The following GRM8 variants were observed in gnomAD, a reference collection of about 807,000 sequenced individuals.
The protein encoded by GRM8 is glutamate metabotropic receptor 8, also known as metabotropic glutamate receptor 8.
A neutral mutation model predicts 87.2 loss-of-function variants in GRM8; 47 were observed. The ratio of observed to expected loss-of-function variants is 0.54; its 90% confidence interval spans 0.43 to 0.69. The LOEUF is 0.69. GRM8 is among the 30% of genes least tolerant of loss of function. GRM8 has a pLI of 0.00. For synonymous variants in GRM8, 396 were observed against 404.5 expected, an observed-to-expected ratio of 0.98 and a Z score of 0.25; for missense variants, 1,019 against 1,139.2, an observed-to-expected ratio of 0.89 and a Z score of 1.52.
At chr7:126,914,105 G>C (rs2896385) in intron 3 of GRM8, among the ~76,000 whole-genome samples, 1 of 152,112 alleles carries the variant, frequency 6.6e-6, no homozygotes, top group African/African-American at 2.4e-5. Context: ...CTGTGAAACG[G>C]GACTGCAACA....
At position 126,896,958 on chromosome 7, in the gene GRM8, C is replaced by T. The variant is rs368646678; in HGVS notation, c.1156+5584G>A. 4.0e-4 allele frequency among the ~76,000 whole-genome samples: 61 copies of T among 152,242 alleles called. 1 individual carries two copies. The South Asian group carries it at 0.012, about 31-fold the overall frequency. Reference sequence around the variant, plus strand: ...AGAGCAAGGGAGGTCTGTTGTTTGTCTCTCTATCTGAAGCACAGTGCCTGG... The same window carrying T: ...AGAGCAAGGGAGGTCTGTTGTTTGTTTCTCTATCTGAAGCACAGTGCCTGG... On this transcript the variant is annotated intron_variant, in intron 6 of 10. Coordinates refer to ENST00000339582, the MANE Select transcript of GRM8 (RefSeq NM_000845.3).
intron 2 of GRM8, among the ~76,000 whole-genome samples, chr7:127,126,018 C>G (rs1358765348): frequency 6.6e-6 from 1 of 151,856 alleles, no homozygotes; most frequent in Non-Finnish European, 1.5e-5. Flanking sequence ...ATGCTTTATA[C>G]TGTTGGTAGA....
intron 9 of GRM8, among the ~76,000 whole-genome samples, chr7:126,492,832 A>C (rs1231551793): frequency 1.3e-5 from 2 of 152,046 alleles, no homozygotes; most frequent in African/African-American, 4.8e-5. Flanking sequence ...GGTGATAGAC[A>C]ATCAAAATGG....
intron 2 of GRM8, among the ~76,000 whole-genome samples, chr7:127,183,762 C>T (rs917561890): frequency 6.6e-6 from 1 of 151,570 alleles, no homozygotes; most frequent in African/African-American, 2.4e-5. Context: ...TTGAAAAGCT[C>T]AATAAAATTT....
intron 3 of GRM8, among the ~76,000 whole-genome samples, chr7:126,951,426 C>T (rs1808144342): frequency 6.6e-6 from 1 of 151,888 alleles, no homozygotes; most frequent in Admixed American, 6.6e-5. Flanking sequence ...TTTCACATGC[C>T]CCTAAGCAAT....
At position 126,712,060 on chromosome 7, in the gene GRM8, T is replaced by G. The variant is rs145944584; in HGVS notation, c.1357+57805A>C. ...CCTTTGCTTTCACAAGTTGGCTAGC[T>G]GGCACAAGAGGCTTAGCTTTCGCCC... On this transcript the variant is annotated intron_variant, in intron 7 of 10. Coordinates refer to ENST00000339582, the MANE Select transcript of GRM8 (RefSeq NM_000845.3). Among the ~76,000 whole-genome samples the G allele has an allele frequency of 1.1e-3, 167 of 152,366 alleles. 1 individual carries two copies. In the East Asian group the frequency reaches 0.015, roughly 14 times the overall value.
At chr7:126,550,235 C>G (rs987838240) in intron 8 of GRM8, among the ~76,000 whole-genome samples, 1 of 151,892 alleles carries the variant, frequency 6.6e-6, no homozygotes, top group Admixed American at 6.6e-5. Flanking sequence ...CTGCCTCAGT[C>G]CCCCGAGCAA....
chr7:127,243,180 C>T lies in GRM8; in HGVS notation c.25G>A (p.Ala9Thr). ...AAGAGGAAGAAACAAGGGCAAGAGGCTGATCGCTTTCCCTCGCATACCATT... is the reference window on the plus strand; with the variant it reads ...AAGAGGAAGAAACAAGGGCAAGAGGTTGATCGCTTTCCCTCGCATACCATT... MVCEGKRS[A>T]SCPCFFLLTA... Residue 9 changes from alanine to threonine, a missense_variant, in exon 2 of 11, where the codon GCC becomes ACC. Coordinates refer to ENST00000339582, the MANE Select transcript of GRM8 (RefSeq NM_000845.3). 6.2e-7 allele frequency: 1 copy of T among 1,610,552 alleles called. No individual in the cohort carries two copies. The highest frequency in any genetic ancestry group is 1.1e-5 in the South Asian group (1 of 90,996).
chr7:126,552,858 A>C (rs1383321086), intron 8 of GRM8, among the ~76,000 whole-genome samples: 1 of 152,174 alleles, frequency 6.6e-6, no homozygotes, highest in Non-Finnish European at 1.5e-5. Context: ...TTAAATAAAC[A>C]TTAGGTTTTC....
chr7:126,908,821 A>G (rs1216273191), intron 3 of GRM8, among the ~76,000 whole-genome samples: 2 of 152,232 alleles, frequency 1.3e-5, no homozygotes, highest in Non-Finnish European at 2.9e-5. Flanking sequence ...GCACTGGACT[A>G]TTAATCTATT....
chr7:127,002,394 C>A (rs968846850), intron 3 of GRM8, among the ~76,000 whole-genome samples: 15 of 151,728 alleles, frequency 9.9e-5, no homozygotes, highest in African/African-American at 3.6e-4. Flanking sequence ...GAAAAAATTT[C>A]TTCCTCCTAC....
At chr7:127,129,919 T>C (rs1827584478) in intron 2 of GRM8, among the ~76,000 whole-genome samples, 1 of 152,198 alleles carries the variant, frequency 6.6e-6, no homozygotes, top group African/African-American at 2.4e-5. Context: ...TTTGGCTCTA[T>C]GTCCCCACCC....
chr7:126,962,722 C>G (rs1016405925), intron 3 of GRM8, among the ~76,000 whole-genome samples: 2 of 152,170 alleles, frequency 1.3e-5, no homozygotes, highest in African/African-American at 4.8e-5. Context: ...ATACCTACAG[C>G]TAGAGCAAAT....
intron 3 of GRM8, among the ~76,000 whole-genome samples, chr7:127,039,404 C>G (rs761565680): frequency 6.6e-6 from 1 of 152,080 alleles, no homozygotes; most frequent in African/African-American, 2.4e-5. Context: ...AAAAGCAACC[C>G]TGCCAACGCC....
chr7:127,124,572 T>C lies in GRM8; in HGVS notation c.511-17860A>G, dbSNP rs548584805. Among the ~76,000 whole-genome samples, 5 of 152,314 alleles carry C rather than the reference T, an allele frequency of 3.3e-5. No individual in the cohort carries two copies. The South Asian group carries it at 1.0e-3, about 32-fold the overall frequency. On this transcript the variant is annotated intron_variant, in intron 2 of 10. Coordinates refer to ENST00000339582, the MANE Select transcript of GRM8 (RefSeq NM_000845.3). ...AAGATGACAATGTCCAACAAGTTTA[T>C]GACTTTGATCACTGTCAGTATAACT...
Position 127,197,362 on chromosome 7 carries a change from G to T in GRM8, c.510+45333C>A, listed in dbSNP as rs1795340101. Among the ~76,000 whole-genome samples, 3 of 152,130 alleles carry T rather than the reference G, an allele frequency of 2.0e-5. No individual in the cohort carries two copies. The South Asian group carries it at 6.2e-4, about 32-fold the overall frequency. On this transcript the variant is annotated intron_variant, in intron 2 of 10. Coordinates refer to ENST00000339582, the MANE Select transcript of GRM8 (RefSeq NM_000845.3). ...GACAATTGTCAAAGAAGTTGGAAGG[G>T]GCCAACATTTTAGTTTGTACTTGAA...
chr7:127,129,449 A>G (rs968327720), intron 2 of GRM8, among the ~76,000 whole-genome samples: 28 of 152,220 alleles, frequency 1.8e-4, no homozygotes, highest in Non-Finnish European at 3.5e-4. Flanking sequence ...TTTATTATAT[A>G]CTGAAAATAT....
chr7:127,102,447 G>A (rs1825374897), intron 3 of GRM8, among the ~76,000 whole-genome samples: 2 of 152,180 alleles, frequency 1.3e-5, no homozygotes, highest in Admixed American at 1.3e-4. Flanking sequence ...ACAGCCATAG[G>A]AGGGAAGAGT....
chr7:127,221,890 C>T (rs1444405532), intron 2 of GRM8, among the ~76,000 whole-genome samples: 1 of 152,176 alleles, frequency 6.6e-6, no homozygotes, highest in Non-Finnish European at 1.5e-5. Flanking sequence ...CACCAAGTCC[C>T]TCCCTCCTGC....
Sources: allele counts gnomAD v4.1 joint callset (sites outside exome capture counted in the v4.1 genomes callset), GRCh38; gene constraint gnomAD v4.1.1; transcripts MANE v1.5; gene names NCBI Gene and HGNC (gene_info 2026-07-23, HGNC 2026-07-21).